Variants in SCFD2 observed in about 807,000 individuals in gnomAD.
SCFD2 encodes the protein sec1 family domain-containing protein 2.
Under a neutral mutation model 58.9 loss-of-function variants are expected in SCFD2, and 54 were observed. The observed-to-expected ratio is 0.92, with a 90% confidence interval of 0.74 to 1.15. The LOEUF is 1.15. Ranked by LOEUF, SCFD2 falls within the 50% of genes most tolerant of loss-of-function variation. SCFD2 has a pLI of 0.00. For missense variants in SCFD2, 805 were observed against 836.6 expected, an observed-to-expected ratio of 0.96 and a Z score of 0.47; for synonymous variants, 321 against 335.9, an observed-to-expected ratio of 0.96 and a Z score of 0.49.
chr4:53,361,072 G>A (rs1440328890), intron 1 of SCFD2, among the ~76,000 whole-genome samples: 1 of 152,010 alleles, frequency 6.6e-6, no homozygotes, highest in Non-Finnish European at 1.5e-5. Context: ...GAGTACCTTC[G>A]CTAACTTAAC....
intron 5 of SCFD2, among the ~76,000 whole-genome samples, chr4:53,098,069 C>T (rs1724712686): frequency 6.6e-6 from 1 of 152,296 alleles, no homozygotes; most frequent in East Asian, 1.9e-4. Context: ...ATGAAGCCCA[C>T]TTGATCATGG....
At chr4:53,011,760 T>C (rs932788752) in intron 5 of SCFD2, among the ~76,000 whole-genome samples, 1 of 152,216 alleles carries the variant, frequency 6.6e-6, no homozygotes, top group Non-Finnish European at 1.5e-5. Context: ...AGCTTCTTTA[T>C]CTGGGTTACA....
At chr4:52,962,070 C>G (rs1457717752) in intron 5 of SCFD2, among the ~76,000 whole-genome samples, 1 of 152,190 alleles carries the variant, frequency 6.6e-6, no homozygotes, top group Non-Finnish European at 1.5e-5. Flanking sequence ...ATGGAAATTA[C>G]TGGTGGAGTG....
intron 4 of SCFD2, among the ~76,000 whole-genome samples, chr4:53,186,471 G>T (rs1042308369): frequency 6.6e-6 from 1 of 151,916 alleles, no homozygotes; most frequent in African/African-American, 2.4e-5. Flanking sequence ...GAAAATGTTT[G>T]TTGAACTTAC....
chr4:53,144,766 G>T (rs148723815), intron 5 of SCFD2, among the ~76,000 whole-genome samples: 2 of 152,070 alleles, frequency 1.3e-5, no homozygotes, highest in African/African-American at 2.4e-5. Flanking sequence ...TAGGCTCTAA[G>T]GAATATTAAT....
At chr4:52,901,103 T>C (rs1269111258) in intron 7 of SCFD2, among the ~76,000 whole-genome samples, 1 of 152,264 alleles carries the variant, frequency 6.6e-6, no homozygotes, top group Non-Finnish European at 1.5e-5. Flanking sequence ...GGTGAGGCGA[T>C]GCCTCGACCT....
chr4:53,145,721 T>G, intron 4 of SCFD2, 139 bp from the exon 5 acceptor site: 1 of 826,736 alleles, frequency 1.2e-6, no homozygotes, highest in Non-Finnish European at 1.8e-6. Context: ...TGTGTGTTTC[T>G]TGTCCTGGAG....
intron 5 of SCFD2, among the ~76,000 whole-genome samples, chr4:52,928,601 G>A (rs1719915527): frequency 6.6e-6 from 1 of 152,142 alleles, no homozygotes; most frequent in Non-Finnish European, 1.5e-5. Context: ...TCTCCCTTCT[G>A]GCTCCCCGAC....
intron 5 of SCFD2, among the ~76,000 whole-genome samples, chr4:53,115,235 T>C (rs4302515): frequency 0.38 from 57,819 of 151,830 alleles, 11,750 homozygotes; most frequent in Non-Finnish European, 0.44. Flanking sequence ...CATAGACAAA[T>C]TGGAGCACAA....
chr4:52,973,129 C>A (rs1339930077), intron 5 of SCFD2, among the ~76,000 whole-genome samples: 2 of 152,032 alleles, frequency 1.3e-5, no homozygotes, highest in Non-Finnish European at 2.9e-5. Context: ...AGAGCAAACA[C>A]ATTCAAAAGC....
chr4:53,045,663 T>C (rs185059107), intron 5 of SCFD2, among the ~76,000 whole-genome samples: 196 of 152,246 alleles, frequency 1.3e-3, no homozygotes, highest in African/African-American at 4.5e-3. Context: ...ATAAGGGATT[T>C]TGTGTGTGTG....
intron 3 of SCFD2, among the ~76,000 whole-genome samples, chr4:53,277,224 C>G (rs1395167178): frequency 6.6e-6 from 1 of 152,184 alleles, no homozygotes; most frequent in Non-Finnish European, 1.5e-5. Flanking sequence ...ACGTGTCATT[C>G]TCTCTAAAGG....
chr4:52,996,111 G>A (rs1487899896), intron 5 of SCFD2, among the ~76,000 whole-genome samples: 1 of 152,140 alleles, frequency 6.6e-6, no homozygotes, highest in East Asian at 1.9e-4. Flanking sequence ...TAAACAAAAA[G>A]TCACCTCGAT....
rs760023725 is a variant in SCFD2 at position 53,352,666 on chromosome 4, C to T, written c.939G>A (p.Ala313=). 1.8e-5 allele frequency: 29 copies of T among 1,613,718 alleles called. No homozygotes were observed. Among genetic ancestry groups the T allele is most frequent in the Middle Eastern group, 1.7e-4 (1 of 6,060 alleles). ...CCTCCTCAGTATGGAGTGCAGTGAG[C>T]GCTATCATGTTAACCATCACATCAT... ...HTNDVMVNMI[A]LTALHTEEEN... Residue 313 remains alanine, a synonymous_variant, in exon 2 of 9, where the codon GCG becomes GCA. Coordinates refer to ENST00000401642, the MANE Select transcript of SCFD2 (RefSeq NM_152540.4).
intron 3 of SCFD2, among the ~76,000 whole-genome samples, chr4:53,299,951 C>T (rs1732210069): frequency 1.3e-5 from 2 of 152,070 alleles, no homozygotes; most frequent in South Asian, 2.1e-4. Context: ...GAAGGAAGCA[C>T]TAAACATGGA....
chr4:52,875,744 T>TA (rs1176815988), intron 8 of SCFD2, among the ~76,000 whole-genome samples: 95 of 143,132 alleles, frequency 6.6e-4, no homozygotes, highest in Non-Finnish European at 1.0e-3. Flanking sequence ...GTTTTCTGTT[T>TA]AAAAAACTTA....
intron 2 of SCFD2, among the ~76,000 whole-genome samples, chr4:53,338,596 T>TTTTTTTTTTTTTTTA: frequency 7.8e-6 from 1 of 128,042 alleles, no homozygotes; most frequent in Non-Finnish European, 1.7e-5. Context: ...TTTTTTTTTT[T>TTTTTTTTTTTTTTTA]GTGAGATGGA....
In SCFD2 at chr4:53,109,539, A is replaced by T. The variant is rs200516373; in HGVS notation, c.1561+35794T>A. 2.0e-5 allele frequency among the ~76,000 whole-genome samples: 3 copies of T among 152,340 alleles called. No individual in the cohort carries two copies. The East Asian group carries it at 5.8e-4, about 29-fold the overall frequency. ...AGCAAAGTCTCAGGATAAAAAATCA[A>T]TGTGCAAAAATCACAAGCATTCCTA... On this transcript the variant is annotated intron_variant, in intron 5 of 8. Transcript: ENST00000401642.
intron 5 of SCFD2, among the ~76,000 whole-genome samples, chr4:53,077,533 G>A (rs1724013150): frequency 6.6e-6 from 1 of 152,062 alleles, no homozygotes; most frequent in Non-Finnish European, 1.5e-5. Context: ...CGCCTCCTGG[G>A]TTCAAACAAT....
Sources: gnomAD v4.1 joint callset for allele counts (sites outside exome capture counted in the v4.1 genomes callset) on GRCh38, gnomAD v4.1.1 for gene constraint, MANE v1.5 for transcripts, NCBI Gene and HGNC (gene_info 2026-07-23, HGNC 2026-07-21) for gene names.